NAA16: variants seen among roughly 807,000 people sequenced by gnomAD.
The protein encoded by NAA16 is NARG1-like protein.
A neutral mutation model predicts 110.3 loss-of-function variants in NAA16; 97 were observed. The observed-to-expected ratio is 0.88, with a 90% CI of 0.75 to 1.04. The LOEUF is 1.04. NAA16 is among the 50% of genes least tolerant of loss of function. The probability of loss-of-function intolerance (pLI) is 0.00; values close to 1 mark genes in which losing one functional copy is unlikely to be tolerated. For missense variants in NAA16, 1,017 were observed against 1,005.1 expected (o/e 1.01, Z -0.16); for synonymous variants, 372 against 330.6 (o/e 1.13, Z -1.36).
At chr13:41,352,144 C>T (rs542541517) in intron 9 of NAA16, among the ~76,000 whole-genome samples, 1 of 152,080 alleles carries the variant, frequency 6.6e-6, no homozygotes, top group African/African-American at 2.4e-5. Context: ...GAGTTTGAGA[C>T]CAGCCCGGGC....
chr13:41,320,721 T>C lies in NAA16; in HGVS notation c.299T>C (p.Ile100Thr). ...QRSDKKYDEA[I>T]KCYRNALKLD... ...TCTGATAAAAAATATGATGAAGCTA[T>C]AAAATGTTACCGAAATGCCCTCAAA... Residue 100 changes from isoleucine to threonine, a missense_variant, in exon 4 of 20, where the codon ATA (isoleucine) becomes ACA (threonine). Transcript: ENST00000379406. 1 of 1,613,130 alleles carries C rather than the reference T, an allele frequency of 6.2e-7. No individual in the cohort carries two copies. The highest frequency in any genetic ancestry group is 2.2e-5 in the East Asian group (1 of 44,860).
intron 12 of NAA16, among the ~76,000 whole-genome samples, chr13:41,361,358 C>T (rs899904954): frequency 3.3e-5 from 5 of 152,202 alleles, no homozygotes; most frequent in African/African-American, 1.2e-4. Flanking sequence ...AACCAAAAAA[C>T]AGGCCTGCAG....
At chr13:41,327,458 T>A (rs1566252513) in intron 6 of NAA16, among the ~76,000 whole-genome samples, 1 of 147,946 alleles carries the variant, frequency 6.8e-6, no homozygotes, top group Non-Finnish European at 1.5e-5. Flanking sequence ...TATTTAATCT[T>A]AAAAAAAAAA....
rs540665698 is a variant in NAA16 at position 41,354,114 on chromosome 13, T to TC, written c.1015-1028dup. ...CATGTTCCTTACTGTTAATGTATAGTCCTACCTTATTTCCACATTGTCCAT... is the reference window on the plus strand; with the variant it reads ...CATGTTCCTTACTGTTAATGTATAGTCCCTACCTTATTTCCACATTGTCCAT... On this transcript the variant is annotated intron_variant, in intron 9 of 19. Coordinates refer to ENST00000379406, the MANE Select transcript of NAA16 (RefSeq NM_024561.5). 1.6e-3 allele frequency among the ~76,000 whole-genome samples: 245 copies of TC among 152,330 alleles called. 1 individual carries two copies. Among genetic ancestry groups the TC allele is most frequent in the Admixed American group, 2.4e-3 (36 of 15,296 alleles).
chr13:41,339,642 C>T (rs1459492007), intron 9 of NAA16, among the ~76,000 whole-genome samples: 1 of 152,036 alleles, frequency 6.6e-6, no homozygotes, highest in African/African-American at 2.4e-5. Flanking sequence ...ACTGCAACCT[C>T]CGCCTTCCGG....
At chr13:41,325,131 A>T (rs1412439907) in intron 5 of NAA16, among the ~76,000 whole-genome samples, 5 of 151,238 alleles carry the variant, frequency 3.3e-5, no homozygotes, top group Non-Finnish European at 7.4e-5. Context: ...CTAATTTTGT[A>T]TTTTAGTAGA....
At chr13:41,354,886 ATTT>A (rs10671840) in intron 9 of NAA16, among the ~76,000 whole-genome samples, 2 of 112,452 alleles carry the variant, frequency 1.8e-5, no homozygotes, top group Non-Finnish European at 3.4e-5. Flanking sequence ...GGAGTGGTCC[ATTT>A]TTTTTTTTTT....
chr13:41,372,716 A>G lies in NAA16; in HGVS notation c.2057-16A>G, dbSNP rs201720224. ...TAAGTATTAATGCTATTACTTTTGT[A>G]TTTTTTCTGACACAGGAAAGTTTCT... On this transcript the variant is annotated splice_polypyrimidine_tract_variant and intron_variant, in intron 16 of 19. Coordinates refer to ENST00000379406, the MANE Select transcript of NAA16 (RefSeq NM_024561.5). The G allele has an allele frequency of 7.0e-6, 11 of 1,582,250 alleles. No homozygotes were observed. The East Asian group carries it at 2.5e-4, about 36-fold the overall frequency.
chr13:41,320,526 A>C (rs973762971), intron 3 of NAA16, 141 bp from the exon 4 acceptor site: 7 of 745,606 alleles, frequency 9.4e-6, no homozygotes, highest in Non-Finnish European at 1.2e-5. Context: ...ACTTCCCCTC[A>C]CCATTCCCCT....
At chr13:41,332,121 G>T (rs1164496403) in intron 8 of NAA16, among the ~76,000 whole-genome samples, 1 of 151,964 alleles carries the variant, frequency 6.6e-6, no homozygotes, top group Non-Finnish European at 1.5e-5. Context: ...CTGGAGTGCA[G>T]TGGCGCAATC....
At chr13:41,343,682 G>A (rs1432473567) in intron 9 of NAA16, among the ~76,000 whole-genome samples, 1 of 151,980 alleles carries the variant, frequency 6.6e-6, no homozygotes, top group Non-Finnish European at 1.5e-5. Context: ...GGCGCACACC[G>A]CCACACCCGG....
intron 4 of NAA16, 102 bp downstream of exon 4, chr13:41,320,926 T>C: frequency 9.7e-7 from 1 of 1,033,048 alleles, no homozygotes; most frequent in South Asian, 1.7e-5. Flanking sequence ...CAAGTAGATT[T>C]GATTGTTCAT....
At chr13:41,317,389 A>T (rs1358188139) in intron 2 of NAA16, among the ~76,000 whole-genome samples, 1 of 151,994 alleles carries the variant, frequency 6.6e-6, no homozygotes, top group African/African-American at 2.4e-5. Flanking sequence ...CTAATTTACC[A>T]TTAGATTGTA....
At chr13:41,326,032 T>C (rs1213811072) in intron 6 of NAA16, among the ~76,000 whole-genome samples, 181 bp downstream of exon 6, 1 of 152,148 alleles carries the variant, frequency 6.6e-6, no homozygotes, top group African/African-American at 2.4e-5. Context: ...TTATTATATC[T>C]ATTTTGGAGA....
At chr13:41,331,608 T>C (rs1593441439) in intron 8 of NAA16, among the ~76,000 whole-genome samples, 2 of 152,010 alleles carry the variant, frequency 1.3e-5, no homozygotes, top group South Asian at 4.2e-4. Flanking sequence ...GTTGATCTCA[T>C]AGAGGTAGAA....
intron 9 of NAA16, among the ~76,000 whole-genome samples, chr13:41,351,055 A>G (rs1368025933): frequency 3.3e-5 from 5 of 152,218 alleles, no homozygotes; most frequent in Admixed American, 2.6e-4. Context: ...AAGACGTTCA[A>G]TGAGTCAACA....
rs916413639 is a variant in NAA16, at chr13:41,374,779, G to A, written c.2337G>A (p.Gln779=). The change falls in exon 19 of 20, where the codon CAG becomes CAA. Residue 779 remains glutamine (Q), a synonymous_variant. Transcript: ENST00000379406. ...KMMYFLDKSR[Q]EKAIAIATRL... is the part of the protein sequence containing the mutation. ...TGTATTTTCTGGACAAGTCAAGGCAGGAGAAAGCAATTGCTATAGCCACTA... is the reference window on the plus strand; with the variant it reads ...TGTATTTTCTGGACAAGTCAAGGCAAGAGAAAGCAATTGCTATAGCCACTA... 2 of 1,612,874 alleles carry A rather than the reference G, an allele frequency of 1.2e-6. No homozygotes were observed. The highest frequency in any genetic ancestry group is 2.2e-5 in the East Asian group (1 of 44,866).
intron 9 of NAA16, among the ~76,000 whole-genome samples, chr13:41,339,390 C>T (rs1370921897): frequency 2.0e-5 from 3 of 152,162 alleles, no homozygotes; most frequent in South Asian, 2.1e-4. Context: ...CTGCCCACCT[C>T]GGCCTCCCAA....
intron 13 of NAA16, among the ~76,000 whole-genome samples, chr13:41,365,258 T>A (rs2139508039): frequency 6.6e-6 from 1 of 152,286 alleles, no homozygotes; most frequent in East Asian, 1.9e-4. Flanking sequence ...TCTGTGTTTC[T>A]TAGGGTAGTG....
Sources: gnomAD v4.1 joint callset for allele counts (sites outside exome capture counted in the v4.1 genomes callset) on GRCh38, gnomAD v4.1.1 for gene constraint, MANE v1.5 for transcripts, NCBI Gene and HGNC (gene_info 2026-07-23, HGNC 2026-07-21) for gene names.